BZW2: variants seen among roughly 807,000 people sequenced by gnomAD.
The protein encoded by BZW2 is basic leucine zipper and W2 domains 2, also known as eIF5-mimic protein 1.
A neutral mutation model predicts 53.2 loss-of-function variants in BZW2; 23 were observed. That is an observed-to-expected ratio of 0.43 (90% CI 0.31 to 0.61). The LOEUF (loss-of-function observed/expected upper bound fraction) is 0.61, where lower values mean the gene tolerates loss of function less well. Ranked by LOEUF, BZW2 falls within the 20% of genes least tolerant of loss-of-function variation. The probability of loss-of-function intolerance (pLI) is 0.09; values close to 1 mark genes in which losing one functional copy is unlikely to be tolerated. For missense variants in BZW2, 409 were observed against 503.1 expected, an observed-to-expected ratio of 0.81 and a Z score of 1.79; for synonymous variants, 227 against 186.4, an observed-to-expected ratio of 1.22 and a Z score of -1.77.
chr7:16,683,877 GCACCC>G (rs1025881087), intron 5 of BZW2, among the ~76,000 whole-genome samples: 1 of 151,648 alleles, frequency 6.6e-6, no homozygotes, highest in Non-Finnish European at 1.5e-5. Context: ...CCACCTAACT[GCACCC>G]CACCCCACCC....
intron 2 of BZW2, among the ~76,000 whole-genome samples, chr7:16,671,098 G>A (rs926681271): frequency 6.6e-6 from 1 of 152,112 alleles, no homozygotes; most frequent in Non-Finnish European, 1.5e-5. Context: ...ACATAGTATG[G>A]CTAGTTCTTG....
At position 16,694,885 on chromosome 7, in the gene BZW2, A is replaced by G. The variant is rs1783430518; in HGVS notation, c.703A>G (p.Thr235Ala). The G allele has an allele frequency of 1.3e-6, 2 of 1,575,222 alleles. No individual in the cohort carries two copies. Among genetic ancestry groups the G allele is most frequent in the Admixed American group, 3.4e-5 (2 of 59,656 alleles). The stretch of plus-strand genomic sequence containing the variant: ...TGTGGATCATTTTGCTAAATACTTC[A>G]CTGACGCAGGTCTTAAGGAGCTTTC... ...QSVDHFAKYF[T>A]DAGLKELSDF... The change falls in exon 8 of 12, where the codon ACT becomes GCT. Residue 235 changes from threonine (T) to alanine (A), a missense_variant. Physicochemically the swap from Thr to Ala is moderately conservative, Grantham distance 58. This residue lies in a region of BZW2 where 316 missense variants were observed against 366.8 expected (regional missense o/e 0.86). Transcript: ENST00000258761.
chr7:16,694,559 A>G (rs1216886460), intron 7 of BZW2, among the ~76,000 whole-genome samples: 1 of 152,166 alleles, frequency 6.6e-6, no homozygotes, highest in Admixed American at 6.5e-5. Context: ...CTTATAATCC[A>G]GTAACTCTTT....
intron 1 of BZW2, among the ~76,000 whole-genome samples, chr7:16,652,584 T>C (rs1281923711): frequency 2.6e-5 from 4 of 152,024 alleles, no homozygotes; most frequent in Admixed American, 2.0e-4. Flanking sequence ...TGGTGTGATC[T>C]CGGCTGACTG....
chr7:16,695,763 C>G (rs574852024), intron 8 of BZW2: 2 of 152,288 alleles, frequency 1.3e-5, no homozygotes, highest in East Asian at 3.9e-4. Context: ...CTTCCATGCT[C>G]CAAGCCCTGC....
chr7:16,660,087 G>A (rs1053996216), intron 1 of BZW2, among the ~76,000 whole-genome samples: 11 of 151,676 alleles, frequency 7.3e-5, no homozygotes, highest in Admixed American at 2.0e-4. Flanking sequence ...GCGGTGTTTG[G>A]TTTTTTGTCC....
intron 6 of BZW2, among the ~76,000 whole-genome samples, chr7:16,688,772 A>G (rs1783208934): frequency 1.3e-5 from 2 of 152,212 alleles, no homozygotes; most frequent in Admixed American, 6.5e-5. Context: ...TTATCTGATT[A>G]TTTCTATTTG....
In BZW2 at chr7:16,689,760, C is replaced by T. The variant is rs554968663; in HGVS notation, c.542-37C>T. 767 of 1,549,990 alleles carry T rather than the reference C, an allele frequency of 4.9e-4. 9 individuals carry two copies. The South Asian group carries it at 8.5e-3, about 17-fold the overall frequency. Reference sequence around the variant, plus strand: ...GCACACCATCACAATTGGTTTTGCTCGTAAAAGGAATGAAATTCTCTTTTG... The same window carrying T: ...GCACACCATCACAATTGGTTTTGCTTGTAAAAGGAATGAAATTCTCTTTTG... On this transcript the variant is annotated intron_variant, in intron 6 of 11. Coordinates refer to ENST00000258761, the MANE Select transcript of BZW2 (RefSeq NM_014038.3).
At chr7:16,681,053 G>A (rs996888548) in intron 3 of BZW2, among the ~76,000 whole-genome samples, 5 of 152,102 alleles carry the variant, frequency 3.3e-5, no homozygotes, top group East Asian at 1.9e-4. Context: ...GCAGTGAGCC[G>A]AGATTGTGCC....
chr7:16,662,629 A>AT lies in BZW2; in HGVS notation c.-7-2803dup, dbSNP rs1228530812. 1.3e-5 allele frequency among the ~76,000 whole-genome samples: 2 copies of AT among 150,566 alleles called. 1 individual carries two copies. Among genetic ancestry groups the AT allele is most frequent in the Non-Finnish European group, 3.0e-5 (2 of 66,682 alleles). On this transcript the variant is annotated intron_variant, in intron 1 of 11. Transcript: ENST00000258761. ...TTTTTGAAATTACAAATTAAAAACCATTTTTAGCCTGGCACAGTGGTGTGC... is the reference window on the plus strand; with the variant it reads ...TTTTTGAAATTACAAATTAAAAACCATTTTTTAGCCTGGCACAGTGGTGTGC...
intron 2 of BZW2, among the ~76,000 whole-genome samples, chr7:16,671,015 C>A (rs568505030): frequency 6.0e-4 from 91 of 152,342 alleles, no homozygotes; most frequent in African/African-American, 1.7e-3. Flanking sequence ...AGACCACTTA[C>A]AAGCAGTACA....
At chr7:16,678,087 CTTTTTTTTTTTTT>C (rs71007780) in intron 3 of BZW2, among the ~76,000 whole-genome samples, 4 of 66,912 alleles carry the variant, frequency 6.0e-5, no homozygotes, top group Admixed American at 1.9e-4. Flanking sequence ...TTCCATTGTT[CTTTTTTTTTTTTT>C]TTTTTTTTTT....
At chr7:16,649,075 C>T (rs1288064642) in intron 1 of BZW2, among the ~76,000 whole-genome samples, 6 of 152,078 alleles carry the variant, frequency 3.9e-5, no homozygotes, top group Admixed American at 3.9e-4. Context: ...ATTCTAGCGA[C>T]CCCTCTTTTA....
chr7:16,674,336 G>C (rs1457997494), intron 2 of BZW2, 76 bp from the exon 3 acceptor site: 1 of 1,130,850 alleles, frequency 8.8e-7, no homozygotes, highest in Non-Finnish European at 1.2e-6. Flanking sequence ...AGATAAAATA[G>C]AATTAAAGTT....
intron 2 of BZW2, 126 bp downstream of exon 2, chr7:16,665,627 G>A: frequency 1.4e-6 from 2 of 1,461,704 alleles, no homozygotes; most frequent in Non-Finnish European, 1.8e-6. Flanking sequence ...TCTGAGTGTA[G>A]AATCTGAAGT....
chr7:16,696,848 A>C, intron 8 of BZW2, 67 bp from the exon 9 acceptor site: 13 of 1,518,728 alleles, frequency 8.6e-6, no homozygotes, highest in South Asian at 1.2e-5. Flanking sequence ...TTGACTGGGC[A>C]GCTAGCGGGG....
rs927615345 is a variant in BZW2 at position 16,693,666 on chromosome 7, A to G, written c.652-1168A>G. On this transcript the variant is annotated intron_variant, in intron 7 of 11. Transcript: ENST00000258761. ...CATTTTGATTCATAGAAGAAACTCA[A>G]TAAAAATACATTAGTTCCCTTCCCT... Among the ~76,000 whole-genome samples the G allele has an allele frequency of 3.3e-5, 5 of 152,348 alleles. No individual in the cohort carries two copies. The South Asian group carries it at 8.3e-4, about 25-fold the overall frequency.
chr7:16,681,439 A>G lies in BZW2; in HGVS notation c.339+35A>G, dbSNP rs775227132. 6.4e-6 allele frequency: 10 copies of G among 1,553,576 alleles called. No individual in the cohort carries two copies. The South Asian group carries it at 1.1e-4, about 18-fold the overall frequency. On this transcript the variant is annotated intron_variant, in intron 4 of 11. Transcript: ENST00000258761. The stretch of plus-strand genomic sequence containing the variant: ...GTTTGAGAGACTGAAGCATTTGAAG[A>G]GGACTGAGGAAAACTCTATAGAAGC...
chr7:16,654,941 G>T (rs1042103694), intron 1 of BZW2, among the ~76,000 whole-genome samples: 2 of 152,122 alleles, frequency 1.3e-5, no homozygotes, highest in Non-Finnish European at 2.9e-5. Flanking sequence ...TATACATGAT[G>T]AGCTGACCTT....
Sources: allele counts gnomAD v4.1 joint callset (sites outside exome capture counted in the v4.1 genomes callset), GRCh38; gene constraint gnomAD v4.1.1; regional missense constraint gnomAD v4.1.1; transcripts MANE v1.5; gene names NCBI Gene and HGNC (gene_info 2026-07-23, HGNC 2026-07-21).